The following GABRA3 variants were observed in gnomAD, a reference collection of about 807,000 sequenced individuals.
GABRA3 encodes gamma-aminobutyric acid type A receptor subunit alpha3.
In GABRA3, 10 loss-of-function variants were observed where a neutral mutation model predicts 30.1. The observed-to-expected ratio is 0.33, with a 90% CI of 0.20 to 0.56. GABRA3 has a LOEUF of 0.56. GABRA3 is among the 20% of genes least tolerant of loss of function. GABRA3 has a pLI of 0.89. For missense variants in GABRA3, 233 were observed against 392.0 expected (o/e 0.59, Z 3.42); for synonymous variants, 151 against 146.8 (o/e 1.03, Z -0.21).
chrX:152,268,434 T>C (rs1183292279), intron 4 of GABRA3, among the ~76,000 whole-genome samples: 1 of 112,382 alleles, frequency 8.9e-6, no homozygotes, highest in African/African-American at 3.2e-5. Context: ...ATGTAAGATG[T>C]CCCTTTGCTC....
At chrX:152,368,690 T>G (rs1334437583) in intron 1 of GABRA3, among the ~76,000 whole-genome samples, 1 of 98,909 alleles carries the variant, frequency 1.0e-5, no homozygotes, top group African/African-American at 3.7e-5. Flanking sequence ...ACTCTATTTT[T>G]AATTTTTTTT....
At chrX:152,234,849 T>A (rs1938166405) in intron 5 of GABRA3, among the ~76,000 whole-genome samples, 1 of 112,112 alleles carries the variant, frequency 8.9e-6, no homozygotes, top group Non-Finnish European at 1.9e-5. Context: ...TCTATACCAA[T>A]ACCATGCTGT....
At chrX:152,358,940 G>A (rs917378739) in intron 2 of GABRA3, among the ~76,000 whole-genome samples, 1 of 111,405 alleles carries the variant, frequency 9.0e-6, no homozygotes, top group Non-Finnish European at 1.9e-5. Context: ...TTCAATTTTT[G>A]ATATGCTACT....
chrX:152,396,127 T>C (rs1232375400), intron 1 of GABRA3, among the ~76,000 whole-genome samples: 1 of 111,203 alleles, frequency 9.0e-6, no homozygotes, highest in Non-Finnish European at 1.9e-5. Context: ...ACTGGTGTCT[T>C]TATAAGAAGG....
At chrX:152,265,230 T>C (rs1038330225) in intron 4 of GABRA3, among the ~76,000 whole-genome samples, 34 of 111,406 alleles carry the variant, frequency 3.1e-4, no homozygotes, top group East Asian at 2.8e-4. Context: ...TTCTTAAGGA[T>C]AGACCCTATG....
chrX:152,404,583 A>G (rs1282803973), intron 1 of GABRA3, among the ~76,000 whole-genome samples: 2 of 110,267 alleles, frequency 1.8e-5, no homozygotes, highest in African/African-American at 6.6e-5. Context: ...AGGCCAAGTG[A>G]GGGGCTCAAA....
At chrX:152,345,932 C>G (rs1039614139) in intron 2 of GABRA3, among the ~76,000 whole-genome samples, 3 of 111,103 alleles carry the variant, frequency 2.7e-5, no homozygotes, top group Admixed American at 9.6e-5. Context: ...ATGAGCTTTG[C>G]CAGGCATATA....
chrX:152,380,938 T>G lies in GABRA3; in HGVS notation c.-26-16342A>C, dbSNP rs72614789. On this transcript the variant is annotated intron_variant, in intron 1 of 9. Transcript: ENST00000370314. ...GTCATGGGGGCAGATCCCTCATTAA[T>G]GACTTAGTGCTGTTCTAGCAGTAGT... Among the ~76,000 whole-genome samples, 3 of 111,943 alleles carry G rather than the reference T, an allele frequency of 2.7e-5. No homozygotes were observed. In the East Asian group the frequency reaches 8.5e-4, roughly 32 times the overall value.
At chrX:152,280,915 C>T (rs1939187762) in intron 4 of GABRA3, among the ~76,000 whole-genome samples, 1 of 110,945 alleles carries the variant, frequency 9.0e-6, no homozygotes, top group South Asian at 3.9e-4. Flanking sequence ...TCTTTTCCCT[C>T]TTTATTTTCT....
At chrX:152,261,967 C>G (rs1938738000) in intron 4 of GABRA3, among the ~76,000 whole-genome samples, 1 of 112,763 alleles carries the variant, frequency 8.9e-6, no homozygotes, top group Non-Finnish European at 1.9e-5. Flanking sequence ...CCTCTGAAAT[C>G]TAGGTGGAGG....
At chrX:152,352,311 C>T (rs142275589) in intron 2 of GABRA3, among the ~76,000 whole-genome samples, 1 of 111,930 alleles carries the variant, frequency 8.9e-6, no homozygotes, top group Non-Finnish European at 1.9e-5. Context: ...CATTAGAAAA[C>T]TTTTGAAATA....
At chrX:152,429,312 A>T (rs937007788) in intron 1 of GABRA3, among the ~76,000 whole-genome samples, 1 of 108,167 alleles carries the variant, frequency 9.2e-6, no homozygotes, top group East Asian at 3.0e-4. Flanking sequence ...TCTCCAGATT[A>T]CCATTTTAGC....
At chrX:152,449,183 C>T (rs1052418405) in intron 1 of GABRA3, among the ~76,000 whole-genome samples, 7 of 111,985 alleles carry the variant, frequency 6.3e-5, no homozygotes, top group African/African-American at 2.3e-4. Context: ...AAAGAACCAA[C>T]GAATATAAGT....
intron 5 of GABRA3, among the ~76,000 whole-genome samples, chrX:152,243,035 T>C (rs373551387): frequency 8.0e-5 from 9 of 111,955 alleles, no homozygotes; most frequent in African/African-American, 2.9e-4. Context: ...TACCTGGCCT[T>C]AGAAGAAAAG....
chrX:152,382,779 C>T (rs1460684950), intron 1 of GABRA3, among the ~76,000 whole-genome samples: 2 of 111,503 alleles, frequency 1.8e-5, no homozygotes, highest in African/African-American at 6.5e-5. Flanking sequence ...AGAGACCATC[C>T]TTTACCCATT....
At chrX:152,271,310 T>C (rs897600785) in intron 4 of GABRA3, among the ~76,000 whole-genome samples, 1 of 111,811 alleles carries the variant, frequency 8.9e-6, no homozygotes, top group African/African-American at 3.3e-5. Flanking sequence ...GATGATGATA[T>C]GGACAATAAA....
intron 1 of GABRA3, among the ~76,000 whole-genome samples, chrX:152,368,867 A>T (rs748538820): frequency 9.2e-6 from 1 of 109,067 alleles, no homozygotes; most frequent in Non-Finnish European, 1.9e-5. Context: ...CACCACGCCC[A>T]GCTAATTTTT....
intron 4 of GABRA3, among the ~76,000 whole-genome samples, chrX:152,276,249 C>T (rs747269135): frequency 1.9e-4 from 21 of 111,410 alleles, no homozygotes; most frequent in African/African-American, 5.2e-4. Flanking sequence ...TACAGATTGA[C>T]CACTAAACAT....
intron 1 of GABRA3, among the ~76,000 whole-genome samples, chrX:152,416,394 C>T (rs1200786079): frequency 2.0e-5 from 2 of 102,326 alleles, no homozygotes; most frequent in Non-Finnish European, 4.0e-5. Flanking sequence ...AATGGAAGAA[C>T]ATTCCATGCT....
Sources: gnomAD v4.1 joint callset for allele counts (sites outside exome capture counted in the v4.1 genomes callset) on GRCh38, gnomAD v4.1.1 for gene constraint, MANE v1.5 for transcripts, NCBI Gene and HGNC (gene_info 2026-07-23, HGNC 2026-07-21) for gene names.